IQCK: variants seen among roughly 807,000 people sequenced by gnomAD.
IQCK encodes IQ motif containing K, also known as IQ domain-containing protein K.
In IQCK, 29 loss-of-function variants were observed where a neutral mutation model predicts 28.1. The ratio of observed to expected loss-of-function variants is 1.03; its 90% CI spans 0.77 to 1.41. The LOEUF is 1.41. IQCK is among the 40% of genes most tolerant of loss of function. The pLI, the probability that IQCK is intolerant of heterozygous loss-of-function variation, is 0.00. For missense variants in IQCK, 359 were observed against 314.7 expected, an observed-to-expected ratio of 1.14 and a Z score of -1.07; for synonymous variants, 113 against 115.1, an observed-to-expected ratio of 0.98 and a Z score of 0.12.
intron 4 of IQCK, among the ~76,000 whole-genome samples, chr16:19,752,431 G>A (rs1386263140): frequency 6.6e-6 from 1 of 152,202 alleles, no homozygotes; most frequent in African/African-American, 2.4e-5. Context: ...TGTTTCAGCT[G>A]GGGAGTATTA....
At chr16:19,835,654 G>A (rs2056286338) in intron 9 of IQCK, among the ~76,000 whole-genome samples, 1 of 147,966 alleles carries the variant, frequency 6.8e-6, no homozygotes, top group Non-Finnish European at 1.5e-5. Flanking sequence ...GCACAGTCTT[G>A]GGTCACTGCA....
chr16:19,757,368 C>A (rs1347688645), intron 4 of IQCK, among the ~76,000 whole-genome samples: 3 of 152,172 alleles, frequency 2.0e-5, no homozygotes, highest in African/African-American at 7.2e-5. Flanking sequence ...CTGGATTGAA[C>A]CGCTGTTAAT....
downstream of IQCK, among the ~76,000 whole-genome samples, chr16:19,828,231 CT>C (rs749049124): frequency 0.021 from 2,213 of 107,238 alleles, 43 homozygotes; most frequent in African/African-American, 0.072. Flanking sequence ...TCTTTCTTTT[CT>C]TTTTTTTTTT....
intron 4 of IQCK, among the ~76,000 whole-genome samples, chr16:19,742,459 T>C (rs537766288): frequency 6.6e-6 from 1 of 151,768 alleles, no homozygotes; most frequent in South Asian, 2.1e-4. Context: ...GAACTCCCCT[T>C]ATCCTGATCT....
intron 7 of IQCK, among the ~76,000 whole-genome samples, chr16:19,816,023 T>G (rs2055985058): frequency 6.6e-6 from 1 of 152,328 alleles, no homozygotes; most frequent in African/African-American, 2.4e-5. Context: ...TGAACATGAC[T>G]GAAGAGGCCT....
intron 4 of IQCK, among the ~76,000 whole-genome samples, chr16:19,756,734 A>G (rs1261647417): frequency 6.6e-6 from 1 of 152,096 alleles, no homozygotes; most frequent in Non-Finnish European, 1.5e-5. Flanking sequence ...CATCTCTACT[A>G]AAACTACAAA....
chr16:19,846,063 C>T (rs770869816), intron 9 of IQCK, among the ~76,000 whole-genome samples: 8 of 152,134 alleles, frequency 5.3e-5, no homozygotes, highest in Admixed American at 1.3e-4. Flanking sequence ...GGCAATAGAG[C>T]GAGACCCCAT....
chr16:19,727,589 C>G (rs1027251393), intron 1 of IQCK, among the ~76,000 whole-genome samples: 3 of 145,480 alleles, frequency 2.1e-5, no homozygotes, highest in Non-Finnish European at 4.5e-5. Context: ...TTTGTCACCC[C>G]CCCCCCCCAA....
At chr16:19,831,920 G>T (rs1450378155), downstream of IQCK, among the ~76,000 whole-genome samples, 2 of 152,020 alleles carry the variant, frequency 1.3e-5, no homozygotes, top group Non-Finnish European at 2.9e-5. Context: ...TTTTCTTCTA[G>T]GATGGAAGCG....
intron 1 of IQCK, among the ~76,000 whole-genome samples, chr16:19,722,389 C>T (rs1241316981): frequency 2.0e-5 from 3 of 152,198 alleles, no homozygotes; most frequent in African/African-American, 4.8e-5. Flanking sequence ...TCCTCTGCTA[C>T]GCCTTTAACT....
At chr16:19,839,042 A>AAT in intron 9 of IQCK, among the ~76,000 whole-genome samples, 1 of 147,628 alleles carries the variant, frequency 6.8e-6, no homozygotes, top group Admixed American at 6.8e-5. Context: ...AAAAAAAAAA[A>AAT]GGAAGCTATT....
At chr16:19,820,695 C>A (rs1331226928) in intron 7 of IQCK, among the ~76,000 whole-genome samples, 2 of 148,914 alleles carry the variant, frequency 1.3e-5, no homozygotes, top group Admixed American at 1.3e-4. Context: ...AAATTTAAAA[C>A]CTTTTGCATC....
At chr16:19,857,478 G>A in exon 10 of IQCK, 1 of 436,526 alleles carries the variant, frequency 2.3e-6, no homozygotes. Flanking sequence ...GCCGGGGGAA[G>A]ATAAAGGTAC....
intron 9 of IQCK, among the ~76,000 whole-genome samples, chr16:19,838,937 C>T (rs933208562): frequency 7.1e-6 from 1 of 141,542 alleles, no homozygotes; most frequent in African/African-American, 2.6e-5. Flanking sequence ...CAGAATTGCT[C>T]GAACCTAGGA....
intron 1 of IQCK, 127 bp from the exon 2 acceptor site, chr16:19,730,303 T>A: frequency 1.6e-6 from 1 of 640,652 alleles, no homozygotes; most frequent in Non-Finnish European, 2.6e-6. Flanking sequence ...CATGGCCAGT[T>A]GTTTTTTCAT....
chr16:19,844,934 T>G (rs553735564), intron 9 of IQCK, among the ~76,000 whole-genome samples: 168 of 152,160 alleles, frequency 1.1e-3, no homozygotes, highest in Non-Finnish European at 2.2e-3. Flanking sequence ...TCAGCCTCCC[T>G]AGTAGCTGGG....
In IQCK at chr16:19,802,576, CA is replaced by C. The variant is rs1273340631; in HGVS notation, c.690+13655del. 4.5e-5 allele frequency among the ~76,000 whole-genome samples: 6 copies of C among 133,704 alleles called. No homozygotes were observed. In the Admixed American group the frequency reaches 4.8e-4, roughly 11 times the overall value. 87.7% of individuals were successfully genotyped at this position (133,704 alleles called of 152,430 possible). ...TTGGCTGTTGTTGTTATTGTTGTTG[CA>C]GCTGTTGGCTCTATTTTCCTGAATA... On this transcript the variant is annotated intron_variant, in intron 7 of 7. Coordinates refer to ENST00000564186, the Ensembl canonical transcript of IQCK.
chr16:19,780,122 A>G (rs982846246), intron 6 of IQCK, among the ~76,000 whole-genome samples: 1 of 151,122 alleles, frequency 6.6e-6, no homozygotes, highest in African/African-American at 2.4e-5. Context: ...GCTCACAGCA[A>G]CTTCCGCCTC....
At chr16:19,733,609 G>A (rs1977911258) in intron 2 of IQCK, 89 bp from the exon 3 acceptor site, 1 of 1,472,502 alleles carries the variant, frequency 6.8e-7, no homozygotes, top group Non-Finnish European at 9.3e-7. Context: ...GTCTGATGCA[G>A]AATTTTATTC....
Sources: allele counts gnomAD v4.1 joint callset (sites outside exome capture counted in the v4.1 genomes callset), GRCh38; gene constraint gnomAD v4.1.1; transcripts MANE v1.5; gene names NCBI Gene and HGNC (gene_info 2026-07-23, HGNC 2026-07-21).